The following SLC35F4 variants were observed in gnomAD, a reference collection of about 807,000 sequenced individuals.
SLC35F4 encodes the protein chromosome 14 open reading frame 36.
In SLC35F4, 24 loss-of-function variants were observed where a neutral mutation model predicts 44.2. That is an observed-to-expected ratio of 0.54 (90% CI 0.39 to 0.76). The LOEUF (loss-of-function observed/expected upper bound fraction) is 0.76. SLC35F4 is among the 30% of genes least tolerant of loss of function. The probability of loss-of-function intolerance (pLI) is 0.00; values close to 1 mark genes in which losing one functional copy is unlikely to be tolerated. For missense variants in SLC35F4, 562 were observed against 586.1 expected (o/e 0.96, Z 0.42); for synonymous variants, 238 against 223.6 (o/e 1.06, Z -0.57).
chr14:57,963,022 T>C (rs2141089240), intron 1 of SLC35F4, among the ~76,000 whole-genome samples: 1 of 152,284 alleles, frequency 6.6e-6, no homozygotes, highest in African/African-American at 2.4e-5. Flanking sequence ...TGCTAGAAGC[T>C]ACCAGGGTAA....
At chr14:57,617,871 A>G (rs1239023509) in intron 1 of SLC35F4, among the ~76,000 whole-genome samples, 1 of 150,408 alleles carries the variant, frequency 6.6e-6, no homozygotes, top group Non-Finnish European at 1.5e-5. Flanking sequence ...TTTAGTTTTT[A>G]GTTTTGTTTT....
At chr14:57,687,741 T>C (rs1321582664) in intron 1 of SLC35F4, among the ~76,000 whole-genome samples, 1 of 152,162 alleles carries the variant, frequency 6.6e-6, no homozygotes, top group Non-Finnish European at 1.5e-5. Context: ...TTTACTGGCC[T>C]TACCTTAGTC....
At position 57,725,828 on chromosome 14, in the gene SLC35F4, G is replaced by A. The variant is rs148877417; in HGVS notation, c.104-131704C>T. On this transcript the variant is annotated intron_variant, in intron 1 of 7. Coordinates refer to ENST00000556826, the MANE Select transcript of SLC35F4 (RefSeq NM_001306087.2). ...TTTCTGTCATAGCCAGGATTCATAGGTTCAGGAATCAAGGGGTGGAAGTGC... is the reference window on the plus strand; with the variant it reads ...TTTCTGTCATAGCCAGGATTCATAGATTCAGGAATCAAGGGGTGGAAGTGC... Among the ~76,000 whole-genome samples, 5 of 152,294 alleles carry A rather than the reference G, an allele frequency of 3.3e-5. No homozygotes were observed. The East Asian group carries it at 5.8e-4, about 18-fold the overall frequency.
intron 1 of SLC35F4, among the ~76,000 whole-genome samples, chr14:57,734,413 G>C (rs962744687): frequency 6.6e-6 from 1 of 152,094 alleles, no homozygotes; most frequent in African/African-American, 2.4e-5. Context: ...GAGAAAGCAC[G>C]CACAGAAAGA....
intron 1 of SLC35F4, among the ~76,000 whole-genome samples, chr14:57,691,638 A>G (rs888097044): frequency 6.6e-6 from 1 of 152,200 alleles, no homozygotes; most frequent in African/African-American, 2.4e-5. Context: ...ATAACATTAC[A>G]TTTCAAAGAT....
At chr14:57,717,968 G>T (rs1315932148) in intron 1 of SLC35F4, among the ~76,000 whole-genome samples, 2 of 152,070 alleles carry the variant, frequency 1.3e-5, no homozygotes, top group Non-Finnish European at 2.9e-5. Context: ...ATTCACTCTT[G>T]TAACTACTTT....
intron 1 of SLC35F4, among the ~76,000 whole-genome samples, chr14:57,728,308 A>C (rs2076253619): frequency 6.6e-6 from 1 of 152,048 alleles, no homozygotes; most frequent in Non-Finnish European, 1.5e-5. Flanking sequence ...TAGGCAACAA[A>C]GCATTAGTTC....
intron 1 of SLC35F4, among the ~76,000 whole-genome samples, chr14:57,852,666 G>A (rs186615904): frequency 1.6e-4 from 25 of 152,294 alleles, no homozygotes; most frequent in East Asian, 9.6e-4. Context: ...ATGCAGTACC[G>A]CTTCTTCAGA....
intron 1 of SLC35F4, among the ~76,000 whole-genome samples, chr14:57,729,711 G>C (rs1247716029): frequency 6.6e-6 from 1 of 152,174 alleles, no homozygotes; most frequent in Non-Finnish European, 1.5e-5. Flanking sequence ...CATGCCAGCT[G>C]CTGTCTCCCT....
chr14:57,568,646 T>C (rs77796145), intron 6 of SLC35F4, among the ~76,000 whole-genome samples: 8,608 of 152,178 alleles, frequency 0.057, 249 homozygotes, highest in Middle Eastern at 0.068. Context: ...TGAGCCAGCA[T>C]AGAAAAAGAT....
intron 1 of SLC35F4, among the ~76,000 whole-genome samples, chr14:57,776,721 G>A (rs1421578303): frequency 7.0e-6 from 1 of 143,266 alleles, no homozygotes; most frequent in African/African-American, 2.6e-5. Context: ...AGATTCCCTA[G>A]AAAGGGACAC....
intron 1 of SLC35F4, among the ~76,000 whole-genome samples, chr14:57,658,680 G>A (rs1003367005): frequency 6.6e-5 from 10 of 152,220 alleles, no homozygotes; most frequent in African/African-American, 9.6e-5. Context: ...TATGGCTCTC[G>A]TTGCCAAGGT....
intron 1 of SLC35F4, among the ~76,000 whole-genome samples, chr14:57,778,452 C>T (rs2077543185): frequency 6.6e-6 from 1 of 151,688 alleles, no homozygotes; most frequent in African/African-American, 2.4e-5. Context: ...ATATATGCGC[C>T]CAACACAGGA....
At chr14:57,610,825 T>C (rs149294992) in intron 1 of SLC35F4, among the ~76,000 whole-genome samples, 259 of 152,330 alleles carry the variant, frequency 1.7e-3, no homozygotes, top group Non-Finnish European at 2.9e-3. Flanking sequence ...GGAACTGTGA[T>C]AGGTACCATG....
chr14:57,928,582 T>G (rs1319125479), intron 1 of SLC35F4, among the ~76,000 whole-genome samples: 1 of 152,224 alleles, frequency 6.6e-6, no homozygotes, highest in Non-Finnish European at 1.5e-5. Flanking sequence ...CAGTGTGGTG[T>G]GCGATAAAGC....
chr14:57,838,908 TA>T lies in SLC35F4; in HGVS notation c.103+26814del, dbSNP rs1885209935. On this transcript the variant is annotated intron_variant, in intron 1 of 7. Coordinates refer to ENST00000556826, the MANE Select transcript of SLC35F4 (RefSeq NM_001306087.2). ...AGAATTCACATGAGAATGGCATGAA[TA>T]AAAAATAGGTAGGGACCATATTTGA... is the stretch of plus-strand genomic sequence containing the variant. 5.9e-5 allele frequency among the ~76,000 whole-genome samples: 9 copies of T among 152,128 alleles called. No homozygotes were observed. In the South Asian group the frequency reaches 1.0e-3, roughly 18 times the overall value.
At chr14:57,798,937 C>G (rs1431494779) in intron 1 of SLC35F4, among the ~76,000 whole-genome samples, 1 of 152,116 alleles carries the variant, frequency 6.6e-6, no homozygotes, top group Non-Finnish European at 1.5e-5. Context: ...GCACCACTCA[C>G]GCTAAGAATG....
At chr14:57,621,855 G>A (rs1478250511) in intron 1 of SLC35F4, among the ~76,000 whole-genome samples, 2 of 149,062 alleles carry the variant, frequency 1.3e-5, no homozygotes, top group African/African-American at 2.5e-5. Flanking sequence ...CACAGCAAAA[G>A]AAACTACCAT....
intron 1 of SLC35F4, among the ~76,000 whole-genome samples, chr14:57,647,340 C>T (rs552028489): frequency 6.6e-6 from 1 of 152,128 alleles, no homozygotes; most frequent in South Asian, 2.1e-4. Context: ...AGGATAGTTA[C>T]CTCTTCTTGT....
Sources: gnomAD v4.1 joint callset for allele counts (sites outside exome capture counted in the v4.1 genomes callset) on GRCh38, gnomAD v4.1.1 for gene constraint, MANE v1.5 for transcripts, NCBI Gene and HGNC (gene_info 2026-07-23, HGNC 2026-07-21) for gene names.